PHF21A: variants seen among roughly 807,000 people sequenced by gnomAD.
PHF21A encodes BHC80a.
PHF21A carries 11 observed loss-of-function variants against 82.5 expected under a neutral mutation model. That is an observed-to-expected ratio of 0.13 (90% CI 0.08 to 0.22). The LOEUF (loss-of-function observed/expected upper bound fraction) is 0.22. Among genes scored for constraint, PHF21A ranks in the 10% least tolerant of loss-of-function variants. The pLI, the probability that PHF21A is intolerant of heterozygous loss-of-function variation, is 1.00. For missense variants in PHF21A, 579 were observed against 837.8 expected, an observed-to-expected ratio of 0.69 and a Z score of 3.81; for synonymous variants, 297 against 302.8, an observed-to-expected ratio of 0.98 and a Z score of 0.20.
chr11:46,043,173 A>G (rs1009307073), intron 6 of PHF21A, among the ~76,000 whole-genome samples: 2 of 152,188 alleles, frequency 1.3e-5, no homozygotes, highest in African/African-American at 4.8e-5. Flanking sequence ...CAATCAATGT[A>G]AAGTACACTT....
At chr11:46,021,579 C>T (rs2095633023) in intron 6 of PHF21A, among the ~76,000 whole-genome samples, 1 of 151,040 alleles carries the variant, frequency 6.6e-6, no homozygotes. Flanking sequence ...GGGTCTCACC[C>T]TGTCATCCAG....
chr11:45,969,784 C>CT (rs1359971713), intron 9 of PHF21A, 31 bp downstream of exon 9: 1 of 1,433,122 alleles, frequency 7.0e-7, no homozygotes, highest in Non-Finnish European at 9.8e-7. Context: ...CCCATCTAAC[C>CT]TATCATTGAG....
At position 46,034,228 on chromosome 11, in the gene PHF21A, C is replaced by CT. The variant is rs571360040; in HGVS notation, c.153+42525_153+42526insA. Among the ~76,000 whole-genome samples, 6 of 151,892 alleles carry CT rather than the reference C, an allele frequency of 4.0e-5. No homozygotes were observed. The East Asian group carries it at 1.2e-3, about 30-fold the overall frequency. On this transcript the variant is annotated intron_variant, in intron 6 of 18. Coordinates refer to ENST00000676320, the MANE Select transcript of PHF21A (RefSeq NM_001352027.3). The stretch of plus-strand genomic sequence containing the variant: ...CTTAATATTAGTGCCCCCACCCCCC[C>CT]CTTGCATACTTTTCCCTTGGGAGGC...
chr11:46,119,740 A>AG (rs1484229764), intron 1 of PHF21A: 5 of 30,120 alleles, frequency 1.7e-4, no homozygotes, highest in South Asian at 2.3e-3. Flanking sequence ...GAACGTGGTC[A>AG]GGGGAAAAAA....
intron 6 of PHF21A, among the ~76,000 whole-genome samples, chr11:45,997,587 C>T (rs1338395784): frequency 6.6e-6 from 1 of 152,120 alleles, no homozygotes; most frequent in African/African-American, 2.4e-5. Context: ...TTTTTCATTT[C>T]CCAATGAATA....
At chr11:46,008,484 G>C (rs1413537399) in intron 6 of PHF21A, among the ~76,000 whole-genome samples, 1 of 152,146 alleles carries the variant, frequency 6.6e-6, no homozygotes, top group Non-Finnish European at 1.5e-5. Context: ...CTTCAGTAGA[G>C]AAGTGCCAAT....
intron 6 of PHF21A, among the ~76,000 whole-genome samples, chr11:46,071,284 T>C (rs1171021151): frequency 6.6e-6 from 1 of 152,172 alleles, no homozygotes; most frequent in Non-Finnish European, 1.5e-5. Flanking sequence ...TGTCCCTTCA[T>C]GCAAGGCCTC....
intron 1 of PHF21A, 134 bp downstream of exon 1, chr11:46,120,792 AGACAAACAC>A (rs1853067680): frequency 6.6e-6 from 1 of 151,568 alleles, no homozygotes; most frequent in Non-Finnish European, 1.5e-5. Context: ...ATCCTCCCAG[AGACAAACAC>A]CAGCGACAAG....
chr11:46,045,007 T>C (rs1012155188), intron 6 of PHF21A, among the ~76,000 whole-genome samples: 2 of 152,234 alleles, frequency 1.3e-5, no homozygotes, highest in African/African-American at 4.8e-5. Flanking sequence ...TCATAACTAC[T>C]TAATCCTATT....
chr11:45,964,404 T>TA (rs1342925546), intron 10 of PHF21A, among the ~76,000 whole-genome samples: 1 of 151,982 alleles, frequency 6.6e-6, no homozygotes, highest in African/African-American at 2.4e-5. Flanking sequence ...ACCCTATGCA[T>TA]AGGTTCCTCT....
In PHF21A at chr11:45,946,001, G is replaced by GACCTATATACCA; in HGVS notation, c.1289-10_1290dup (p.Gly430_Arg431insTrpTyrIleGly). 2 of 1,613,790 alleles carry GACCTATATACCA rather than the reference G, an allele frequency of 1.2e-6. No homozygotes were observed. Among genetic ancestry groups the GACCTATATACCA allele is most frequent in the Non-Finnish European group, 1.7e-6 (2 of 1,179,856 alleles). ...AGCACTGCATTGTATTTTGGAGGAC[G>GACCTATATACCA]ACCTATATACCAAGAGAAGGGAACA... On this transcript the variant is annotated inframe_insertion and splice_region_variant, in exon 15 of 19. Transcript: ENST00000676320.
At chr11:46,097,254 C>G (rs1001417754) in intron 1 of PHF21A, among the ~76,000 whole-genome samples, 1 of 152,206 alleles carries the variant, frequency 6.6e-6, no homozygotes, top group South Asian at 2.1e-4. Flanking sequence ...GCTCAAAACC[C>G]TCCAGTGGCT....
rs1019260318 is a variant in PHF21A at position 46,030,820 on chromosome 11, C to CGT, written c.153+45932_153+45933dup. ...CTAAACCACATAGTGTGTGTGTGTG[C>CGT]GTGTGTGTGCGTGTGTGTGTGTGTG... On this transcript the variant is annotated intron_variant, in intron 6 of 18. Transcript: ENST00000676320. 2.9e-4 allele frequency among the ~76,000 whole-genome samples: 22 copies of CGT among 75,380 alleles called. 1 individual carries two copies. Among genetic ancestry groups the CGT allele is most frequent in the South Asian group, 2.2e-3 (4 of 1,804 alleles). The allele number at this position is 75,380 out of a possible 152,430, so 49.5% of individuals were successfully genotyped here.
intron 6 of PHF21A, among the ~76,000 whole-genome samples, chr11:46,069,669 CTGAA>C (rs1383622099): frequency 5.9e-5 from 9 of 152,292 alleles, no homozygotes; most frequent in African/African-American, 2.2e-4. Context: ...CTAAATAAAA[CTGAA>C]TGAAGAGTAC....
intron 7 of PHF21A, among the ~76,000 whole-genome samples, chr11:45,975,140 T>TC (rs1467793554): frequency 2.0e-5 from 3 of 151,498 alleles, no homozygotes; most frequent in African/African-American, 7.3e-5. Context: ...ATAGTGAAAC[T>TC]CCACCTCTAC....
At chr11:46,034,353 C>G (rs4756051) in intron 6 of PHF21A, among the ~76,000 whole-genome samples, 42,772 of 151,614 alleles carry the variant, frequency 0.28, 7,397 homozygotes, top group East Asian at 0.77. Flanking sequence ...TTTTTTATTG[C>G]TGTTTTTGCA....
chr11:45,945,914 C>A lies in PHF21A; in HGVS notation c.1378G>T (p.Glu460Ter). The A allele has an allele frequency of 6.2e-7, 1 of 1,612,690 alleles. No homozygotes were observed. Among genetic ancestry groups the A allele is most frequent in the Non-Finnish European group, 8.5e-7 (1 of 1,179,496 alleles). Residue 460 changes from glutamate (E) to a stop codon, truncating the protein, a stop_gained, in exon 15 of 19, where the codon GAA becomes TAA. Coordinates refer to ENST00000676320, the MANE Select transcript of PHF21A (RefSeq NM_001352027.3). LOFTEE classifies it high-confidence loss of function. ...AAAGTGAATGTGGTCTCTGTCTTTT[C>A]ATTTTCAGGGGAGTCAGGATGACTG... is the stretch of plus-strand genomic sequence containing the variant. ...QSSHPDSPEN[E>*]KTETTFTFPA...
At chr11:45,940,056 G>A (rs146162606) in intron 15 of PHF21A, among the ~76,000 whole-genome samples, 58 of 152,228 alleles carry the variant, frequency 3.8e-4, no homozygotes, top group Non-Finnish European at 7.8e-4. Flanking sequence ...ACCACCACTA[G>A]TGAAGGAACA....
chr11:46,106,341 T>C (rs1384134915), intron 1 of PHF21A, among the ~76,000 whole-genome samples: 2 of 152,190 alleles, frequency 1.3e-5, no homozygotes, highest in Non-Finnish European at 1.5e-5. Flanking sequence ...AGCTTAAAAC[T>C]CTCTAACAGC....
Sources: gnomAD v4.1 joint callset for allele counts (sites outside exome capture counted in the v4.1 genomes callset) on GRCh38, gnomAD v4.1.1 for gene constraint, MANE v1.5 for transcripts, NCBI Gene and HGNC (gene_info 2026-07-23, HGNC 2026-07-21) for gene names.